The following LRRC43 variants were observed in gnomAD, a reference collection of about 807,000 sequenced individuals.
LRRC43 encodes the protein leucine-rich repeat-containing protein 43.
LRRC43 carries 62 observed loss-of-function variants against 64.3 expected under a neutral mutation model. That is an observed-to-expected ratio of 0.96 (90% CI 0.79 to 1.19). The LOEUF (loss-of-function observed/expected upper bound fraction) is 1.19. Ranked by LOEUF, LRRC43 falls within the 50% of genes most tolerant of loss-of-function variation. The probability of loss-of-function intolerance (pLI) is 0.00; values close to 1 mark genes in which losing one functional copy is unlikely to be tolerated. For synonymous variants in LRRC43, 422 were observed against 382.3 expected (o/e 1.10, Z -1.21); for missense variants, 868 against 845.0 (o/e 1.03, Z -0.34).
intron 2 of LRRC43, among the ~76,000 whole-genome samples, chr12:122,185,713 G>C (rs1953635911): frequency 6.6e-6 from 1 of 152,186 alleles, no homozygotes; most frequent in Admixed American, 6.5e-5. Flanking sequence ...TGGACAGACT[G>C]GCACAGTTGG....
intron 1 of LRRC43, among the ~76,000 whole-genome samples, chr12:122,177,262 AC>A (rs1345546015): frequency 9.2e-5 from 14 of 152,126 alleles, no homozygotes. Flanking sequence ...AGAAGGGCTC[AC>A]CTGCTGTTGC....
At chr12:122,178,585 T>C (rs1474435006), upstream of LRRC43, among the ~76,000 whole-genome samples, 2 of 24,004 alleles carry the variant, frequency 8.3e-5, no homozygotes, top group Non-Finnish European at 1.5e-4. Context: ...TGGCTTTCTT[T>C]TTTTTTTTTT....
In LRRC43 at chr12:122,203,373, C is replaced by G. The variant is rs376532409; in HGVS notation, c.1902C>G (p.Thr634=). Residue 634 remains threonine (T), a synonymous_variant, in exon 12 of 12, where the codon ACC becomes ACG. Coordinates refer to ENST00000339777, the MANE Select transcript of LRRC43 (RefSeq NM_001098519.2). ...YEGDYHPEPL[T]VEVQIQLNQC... The stretch of plus-strand genomic sequence containing the variant: ...GCGATTACCACCCTGAGCCCCTGAC[C>G]GTAGAGGTGCAGATCCAGCTGAACC... The G allele has an allele frequency of 6.1e-5, 98 of 1,613,340 alleles. No homozygotes were observed. The highest frequency in any genetic ancestry group is 8.1e-5 in the Non-Finnish European group (95 of 1,179,962).
chr12:122,173,394 G>C (rs561489857), intron 1 of LRRC43, among the ~76,000 whole-genome samples: 1 of 152,292 alleles, frequency 6.6e-6, no homozygotes, highest in African/African-American at 2.4e-5. Context: ...TTTGATCAAA[G>C]CTATCTTGGC....
chr12:122,179,091 G>C (rs952485897), upstream of LRRC43, among the ~76,000 whole-genome samples: 2 of 152,072 alleles, frequency 1.3e-5, no homozygotes, highest in African/African-American at 4.8e-5. Context: ...TGGCTGGTTT[G>C]GTTTGGTTTT....
rs532153258 is a variant in LRRC43, at chr12:122,199,503, C to T, written c.1350-686C>T. 2.3e-3 allele frequency among the ~76,000 whole-genome samples: 346 copies of T among 151,404 alleles called. 2 individuals carry two copies. Among genetic ancestry groups the T allele is most frequent in the African/African-American group, 7.9e-3 (324 of 41,248 alleles). ...TTCACTGTGTTAGCCAGCATGGTCT[C>T]GATCTCCTGACCTCGTGATCTGCCT... On this transcript the variant is annotated intron_variant, in intron 7 of 11. Coordinates refer to ENST00000339777, the MANE Select transcript of LRRC43 (RefSeq NM_001098519.2).
chr12:122,190,356 A>G lies in LRRC43; in HGVS notation c.889A>G (p.Ser297Gly). Residue 297 changes from serine (S) to glycine (G), a missense_variant, in exon 5 of 12, where the codon AGC (serine) becomes GGC (glycine). Ser to Gly is a moderately conservative substitution (Grantham distance 56). Transcript: ENST00000339777. Reference sequence around the variant, plus strand: ...TGAGAAGCATCTCTTCCGGGGGCTCAGCCTCAATGGCGGTGAGGGTACTGG... The same window carrying G: ...TGAGAAGCATCTCTTCCGGGGGCTCGGCCTCAATGGCGGTGAGGGTACTGG... The part of the protein sequence containing the change: ...PNEKHLFRGL[S>G]LNGDLLAQEA... 6.2e-7 allele frequency: 1 copy of G among 1,613,642 alleles called. No homozygotes were observed. Among genetic ancestry groups the G allele is most frequent in the Admixed American group, 1.7e-5 (1 of 60,024 alleles).
chr12:122,177,114 AG>A (rs948267702), intron 1 of LRRC43, among the ~76,000 whole-genome samples: 10 of 152,142 alleles, frequency 6.6e-5, no homozygotes, highest in African/African-American at 2.4e-4. Flanking sequence ...GCATGGCAAA[AG>A]GGGTTTTGTG....
At chr12:122,201,566 G>A (rs924426262) in intron 11 of LRRC43, among the ~76,000 whole-genome samples, 5 of 152,218 alleles carry the variant, frequency 3.3e-5, no homozygotes, top group Non-Finnish European at 7.3e-5. Context: ...CCATAGCGGG[G>A]CAAGAGCTTG....
At chr12:122,173,890 T>C in intron 1 of LRRC43, 1 of 1,614,136 alleles carries the variant, frequency 6.2e-7, no homozygotes, top group Non-Finnish European at 8.5e-7. Context: ...CTCGACTATT[T>C]TCTGTACATC....
rs935307437 is a variant in LRRC43 at position 122,170,503 on chromosome 12, C to T, written c.-406+2721C>T. On this transcript the variant is annotated intron_variant, in intron 1 of 5. Transcript: ENST00000537729. ...AAAATTAGCCGGGCGTGGTGGCGGG[C>T]GCCTGTAGTCCCAGCTACTTGGGAG... Among the ~76,000 whole-genome samples the T allele has an allele frequency of 9.2e-5, 14 of 152,074 alleles. No homozygotes were observed. In the East Asian group the frequency reaches 1.4e-3, roughly 15 times the overall value.
intron 7 of LRRC43, among the ~76,000 whole-genome samples, chr12:122,198,572 T>C (rs1359431522): frequency 2.6e-5 from 4 of 151,964 alleles, no homozygotes; most frequent in Admixed American, 2.0e-4. Context: ...CTGAGCATCA[T>C]GTTTTCAAGG....
At chr12:122,181,876 G>A (rs1953584858), upstream of LRRC43, among the ~76,000 whole-genome samples, 1 of 151,602 alleles carries the variant, frequency 6.6e-6, no homozygotes, top group African/African-American at 2.4e-5. Flanking sequence ...AAAGTGCTGG[G>A]TTTACAGGGG....
intron 7 of LRRC43, among the ~76,000 whole-genome samples, chr12:122,194,000 A>G (rs537945095): frequency 1.3e-5 from 2 of 152,328 alleles, no homozygotes; most frequent in South Asian, 4.1e-4. Flanking sequence ...AGGATCTTCC[A>G]TCCTGTATAC....
intron 1 of LRRC43, chr12:122,172,523 T>C (rs1566002718): frequency 1.2e-6 from 2 of 1,614,200 alleles, no homozygotes; most frequent in Admixed American, 1.7e-5. Context: ...CATGGGTGTC[T>C]GTTGGCACAG....
intron 6 of LRRC43, 149 bp from the exon 7 acceptor site, chr12:122,192,596 C>G: frequency 1.2e-6 from 1 of 829,958 alleles, no homozygotes; most frequent in East Asian, 2.5e-5. Flanking sequence ...AAGTGGGTTT[C>G]TAAGCGCCTT....
At chr12:122,193,815 C>T (rs1236424023) in intron 7 of LRRC43, among the ~76,000 whole-genome samples, 4 of 152,230 alleles carry the variant, frequency 2.6e-5, no homozygotes, top group African/African-American at 9.6e-5. Context: ...CCGCCTCAGC[C>T]TCCCAAAGTG....
upstream of LRRC43, chr12:122,183,114 C>A: frequency 6.6e-7 from 1 of 1,526,392 alleles, no homozygotes; most frequent in South Asian, 1.2e-5. Context: ...CGCACGCGTC[C>A]TAGCGGTTGC....
chr12:122,182,279 T>C (rs1278889960), upstream of LRRC43, among the ~76,000 whole-genome samples: 3 of 151,932 alleles, frequency 2.0e-5, no homozygotes, highest in Admixed American at 6.6e-5. Flanking sequence ...ATCCCAGCAC[T>C]TGGGGAGACC....
Sources: allele counts gnomAD v4.1 joint callset (sites outside exome capture counted in the v4.1 genomes callset), GRCh38; gene constraint gnomAD v4.1.1; transcripts MANE v1.5; gene names NCBI Gene and HGNC (gene_info 2026-07-23, HGNC 2026-07-21).